Variants in HCRTR2 observed in about 807,000 individuals in gnomAD.
HCRTR2 encodes orexin receptor type 2.
HCRTR2 carries 22 observed loss-of-function variants against 49.0 expected under a neutral mutation model. The observed-to-expected ratio is 0.45, with a 90% CI of 0.32 to 0.64. The LOEUF (loss-of-function observed/expected upper bound fraction) is 0.64. Ranked by LOEUF, HCRTR2 falls within the 30% of genes least tolerant of loss-of-function variation. The probability of loss-of-function intolerance (pLI) is 0.04; values close to 1 mark genes in which losing one functional copy is unlikely to be tolerated. For missense variants in HCRTR2, 491 were observed against 559.4 expected (o/e 0.88, Z 1.23); for synonymous variants, 236 against 205.3 (o/e 1.15, Z -1.28).
At chr6:55,210,805 C>T (rs9296777) in intron 1 of HCRTR2, among the ~76,000 whole-genome samples, 3 of 151,942 alleles carry the variant, frequency 2.0e-5, no homozygotes, top group South Asian at 4.1e-4. Flanking sequence ...CAACAATAAA[C>T]GATTTTGTTG....
At chr6:55,153,127 C>T (rs62418285) in intron 1 of HCRTR2, among the ~76,000 whole-genome samples, 44,254 of 151,878 alleles carry the variant, frequency 0.29, 7,029 homozygotes, top group Middle Eastern at 0.47. Flanking sequence ...CCAGTTTTCA[C>T]AGCACTGCTT....
intron 1 of HCRTR2, among the ~76,000 whole-genome samples, chr6:55,109,885 A>G (rs1489801843): frequency 2.0e-5 from 3 of 152,198 alleles, no homozygotes; most frequent in Non-Finnish European, 4.4e-5. Context: ...TGGGAAATTC[A>G]TTACAAAAGG....
intron 1 of HCRTR2, among the ~76,000 whole-genome samples, chr6:55,214,435 G>A (rs181011321): frequency 7.2e-4 from 110 of 152,244 alleles, no homozygotes; most frequent in Non-Finnish European, 1.3e-3. Flanking sequence ...AGGGTCAAGT[G>A]ATCTTTCCAC....
At chr6:55,164,207 A>G (rs1764845176) in intron 1 of HCRTR2, among the ~76,000 whole-genome samples, 1 of 152,204 alleles carries the variant, frequency 6.6e-6, no homozygotes, top group Non-Finnish European at 1.5e-5. Flanking sequence ...ATTGTGGAAG[A>G]CAGTGTGGTG....
chr6:55,228,423 T>A (rs966175658), intron 1 of HCRTR2, among the ~76,000 whole-genome samples: 4 of 152,206 alleles, frequency 2.6e-5, no homozygotes, highest in African/African-American at 7.2e-5. Context: ...CTTCTTAGCA[T>A]CTTTGTCTTG....
intron 1 of HCRTR2, among the ~76,000 whole-genome samples, chr6:55,123,553 T>C (rs975375501): frequency 1.3e-5 from 2 of 152,140 alleles, no homozygotes; most frequent in African/African-American, 2.4e-5. Context: ...GATTTTCCCA[T>C]CCATGTTCAT....
At chr6:55,224,896 A>C (rs554067399) in intron 1 of HCRTR2, among the ~76,000 whole-genome samples, 1 of 152,164 alleles carries the variant, frequency 6.6e-6, no homozygotes, top group Non-Finnish European at 1.5e-5. Flanking sequence ...AAGAATAAAA[A>C]ATTTCAGTTA....
chr6:55,174,974 C>T (rs773935914), intron 1 of HCRTR2, among the ~76,000 whole-genome samples, 164 bp downstream of exon 1: 16 of 152,096 alleles, frequency 1.1e-4, no homozygotes, highest in Non-Finnish European at 2.2e-4. Flanking sequence ...AGAAAGTTTT[C>T]TGATTTTCCG....
chr6:55,119,624 T>G (rs75031187), intron 1 of HCRTR2, among the ~76,000 whole-genome samples: 3 of 65,168 alleles, frequency 4.6e-5, no homozygotes. Context: ...TTTTTGATGT[T>G]TTTTTTTTTT....
At chr6:55,187,411 CAA>C (rs57619664) in intron 1 of HCRTR2, among the ~76,000 whole-genome samples, 12 of 98,330 alleles carry the variant, frequency 1.2e-4, no homozygotes, top group East Asian at 6.1e-4. Flanking sequence ...GACTCCGTCT[CAA>C]AAAAAAAAAA....
At chr6:55,126,345 A>G (rs1007760566) in intron 1 of HCRTR2, among the ~76,000 whole-genome samples, 3 of 152,014 alleles carry the variant, frequency 2.0e-5, no homozygotes, top group Admixed American at 6.6e-5. Flanking sequence ...TTTTCCTTCT[A>G]ACAGTCAGGC....
intron 4 of HCRTR2, among the ~76,000 whole-genome samples, chr6:55,273,721 A>AATACTTTTTGC (rs146020613): frequency 4.0e-5 from 6 of 151,002 alleles, no homozygotes; most frequent in Non-Finnish European, 7.4e-5. Context: ...TCCTACTTTG[A>AATACTTTTTGC]TTTGAATACT....
intron 1 of HCRTR2, among the ~76,000 whole-genome samples, chr6:55,179,218 G>T (rs542931227): frequency 6.6e-6 from 1 of 152,034 alleles, no homozygotes. Flanking sequence ...AGTTTCATGG[G>T]TGTTTGTAAA....
At chr6:55,145,471 C>A (rs191471388) in intron 1 of HCRTR2, among the ~76,000 whole-genome samples, 2 of 149,596 alleles carry the variant, frequency 1.3e-5, no homozygotes, top group African/African-American at 4.9e-5. Flanking sequence ...AGTGCAGTGG[C>A]GCGATCTCGG....
chr6:55,202,247 A>C (rs1765524363), intron 1 of HCRTR2, among the ~76,000 whole-genome samples: 1 of 152,100 alleles, frequency 6.6e-6, no homozygotes, highest in Non-Finnish European at 1.5e-5. Flanking sequence ...TGATGGCTGC[A>C]TATATTTGTT....
At chr6:55,273,322 T>C (rs1322309193) in intron 4 of HCRTR2, among the ~76,000 whole-genome samples, 1 of 152,048 alleles carries the variant, frequency 6.6e-6, no homozygotes, top group African/African-American at 2.4e-5. Context: ...AAATGGGTAA[T>C]AGGTTAAGGA....
intron 1 of HCRTR2, among the ~76,000 whole-genome samples, chr6:55,122,796 G>A (rs1397836385): frequency 6.6e-6 from 1 of 152,002 alleles, no homozygotes; most frequent in Non-Finnish European, 1.5e-5. Flanking sequence ...CATAAAAAAT[G>A]ATGAGTTCAT....
chr6:55,141,316 C>T (rs1255116227), intron 1 of HCRTR2, among the ~76,000 whole-genome samples: 1 of 151,910 alleles, frequency 6.6e-6, no homozygotes, highest in Non-Finnish European at 1.5e-5. Flanking sequence ...TGCACTCCAG[C>T]CTGGGCGACA....
intron 1 of HCRTR2, among the ~76,000 whole-genome samples, chr6:55,148,827 G>A (rs1439160431): frequency 6.6e-6 from 1 of 152,010 alleles, no homozygotes; most frequent in African/African-American, 2.4e-5. Context: ...AAACACATAT[G>A]GGAATCACAA....
Sources: gnomAD v4.1 joint callset for allele counts (sites outside exome capture counted in the v4.1 genomes callset) on GRCh38, gnomAD v4.1.1 for gene constraint, MANE v1.5 for transcripts, NCBI Gene and HGNC (gene_info 2026-07-23, HGNC 2026-07-21) for gene names.